COMMD10: variants seen among roughly 807,000 people sequenced by gnomAD.
COMMD10 encodes the protein COMM domain containing 10.
Under a neutral mutation model 28.9 loss-of-function variants are expected in COMMD10, and 33 were observed. The ratio of observed to expected loss-of-function variants is 1.14; its 90% CI spans 0.87 to 1.53. The LOEUF is 1.53. COMMD10 is among the 40% of genes most tolerant of loss of function. COMMD10 has a pLI of 0.00. For synonymous variants in COMMD10, 110 were observed against 81.7 expected, an observed-to-expected ratio of 1.35 and a Z score of -1.87; for missense variants, 310 against 233.4, an observed-to-expected ratio of 1.33 and a Z score of -2.14.
At chr5:116,276,924 T>G (rs1006121640) in intron 5 of COMMD10, among the ~76,000 whole-genome samples, 1 of 151,774 alleles carries the variant, frequency 6.6e-6, no homozygotes, top group Non-Finnish European at 1.5e-5. Flanking sequence ...GGTATCTTTT[T>G]GGGATGATGA....
chr5:116,183,018 G>A (rs1262629673), intron 5 of COMMD10, among the ~76,000 whole-genome samples: 4 of 152,080 alleles, frequency 2.6e-5, no homozygotes, highest in African/African-American at 9.7e-5. Context: ...TAAGTTTCCT[G>A]AGGCCTCTCC....
chr5:116,246,650 A>G (rs1222830253), intron 5 of COMMD10, among the ~76,000 whole-genome samples: 2 of 152,154 alleles, frequency 1.3e-5, no homozygotes, highest in Non-Finnish European at 2.9e-5. Context: ...CACATAGCCT[A>G]ATGGAACAGA....
rs1197787790 is a variant in COMMD10 at position 116,094,816 on chromosome 5, TAC to T, written c.399+2121_399+2122del. Reference sequence around the variant, plus strand: ...ATGAATAAAGGGAATTTGGTATAATTACACACTGGAATAATATTCAACCATAA... The same window carrying T: ...ATGAATAAAGGGAATTTGGTATAATTACACTGGAATAATATTCAACCATAA... On this transcript the variant is annotated intron_variant, in intron 4 of 6. Transcript: ENST00000274458. Among the ~76,000 whole-genome samples, 3 of 152,216 alleles carry T rather than the reference TAC, an allele frequency of 2.0e-5. No homozygotes were observed. In the East Asian group the frequency reaches 5.8e-4, roughly 29 times the overall value.
intron 5 of COMMD10, among the ~76,000 whole-genome samples, chr5:116,221,094 T>C (rs1162033965): frequency 1.3e-5 from 2 of 151,952 alleles, no homozygotes; most frequent in Non-Finnish European, 2.9e-5. Flanking sequence ...TTTTTTTTTT[T>C]TTTTAACTGT....
chr5:116,125,419 G>A (rs192175417), intron 4 of COMMD10, among the ~76,000 whole-genome samples: 6 of 152,120 alleles, frequency 3.9e-5, no homozygotes, highest in Non-Finnish European at 7.4e-5. Flanking sequence ...TGAGAGATGC[G>A]CTGTTAGTCT....
At chr5:116,171,548 A>G (rs980816669) in intron 5 of COMMD10, among the ~76,000 whole-genome samples, 1 of 152,264 alleles carries the variant, frequency 6.6e-6, no homozygotes, top group South Asian at 2.1e-4. Flanking sequence ...TTGCAGCACA[A>G]TTTACAATAG....
chr5:116,104,750 G>C (rs1436007048), intron 4 of COMMD10, among the ~76,000 whole-genome samples: 1 of 151,904 alleles, frequency 6.6e-6, no homozygotes, highest in Non-Finnish European at 1.5e-5. Flanking sequence ...CTCCCTAGTA[G>C]CTGGGACTAC....
At chr5:116,240,934 C>T (rs1003550103) in intron 5 of COMMD10, among the ~76,000 whole-genome samples, 6 of 152,050 alleles carry the variant, frequency 3.9e-5, no homozygotes, top group African/African-American at 1.4e-4. Context: ...GATTAATTTT[C>T]CTCTATGTCT....
chr5:116,279,062 A>C (rs968011705), intron 5 of COMMD10, among the ~76,000 whole-genome samples: 1 of 151,808 alleles, frequency 6.6e-6, no homozygotes. Context: ...TCACTGGTGT[A>C]TGCATGTATG....
chr5:116,255,204 G>A (rs1750247301), intron 5 of COMMD10, among the ~76,000 whole-genome samples: 2 of 151,682 alleles, frequency 1.3e-5, no homozygotes, highest in African/African-American at 2.4e-5. Flanking sequence ...CTGCCCGTGA[G>A]ATGGGTTTCC....
intron 5 of COMMD10, among the ~76,000 whole-genome samples, chr5:116,222,493 G>A (rs1749286597): frequency 6.6e-6 from 1 of 152,110 alleles, no homozygotes; most frequent in African/African-American, 2.4e-5. Flanking sequence ...GTGGGAATAT[G>A]ATTTTAGAAG....
chr5:116,221,131 A>G (rs1749242623), intron 5 of COMMD10, among the ~76,000 whole-genome samples: 1 of 146,806 alleles, frequency 6.8e-6, no homozygotes. Flanking sequence ...CACCTTTGAG[A>G]TACACTTTCA....
At chr5:116,148,880 T>C (rs112450834) in intron 5 of COMMD10, among the ~76,000 whole-genome samples, 1,900 of 152,038 alleles carry the variant, frequency 0.012, 36 homozygotes, top group African/African-American at 0.044. Flanking sequence ...TTTTAAGTTT[T>C]AGGGTACATG....
intron 4 of COMMD10, among the ~76,000 whole-genome samples, chr5:116,118,321 G>A (rs1458849563): frequency 2.0e-5 from 3 of 152,010 alleles, no homozygotes; most frequent in Non-Finnish European, 4.4e-5. Flanking sequence ...TCTACCACCA[G>A]AATATAAGCT....
chr5:116,284,062 T>C (rs933824942), intron 5 of COMMD10, among the ~76,000 whole-genome samples: 2 of 151,784 alleles, frequency 1.3e-5, no homozygotes, highest in African/African-American at 4.9e-5. Context: ...CAGGAGTTAG[T>C]TCGAGGCTGC....
intron 4 of COMMD10, among the ~76,000 whole-genome samples, chr5:116,113,113 TG>T (rs1356908400): frequency 6.6e-6 from 1 of 152,200 alleles, no homozygotes; most frequent in African/African-American, 2.4e-5. Flanking sequence ...GGCTGACAGT[TG>T]TTTTCTTTCA....
intron 4 of COMMD10, among the ~76,000 whole-genome samples, chr5:116,133,110 A>C (rs1340256672): frequency 6.6e-6 from 1 of 152,144 alleles, no homozygotes; most frequent in African/African-American, 2.4e-5. Flanking sequence ...TGCCATTCTT[A>C]CCCAGTATTG....
At chr5:116,257,228 G>A (rs1370920262) in intron 5 of COMMD10, among the ~76,000 whole-genome samples, 1 of 151,614 alleles carries the variant, frequency 6.6e-6, no homozygotes, top group Non-Finnish European at 1.5e-5. Flanking sequence ...TCTACTTGTA[G>A]TGTCATGTCA....
chr5:116,292,365 T>A, intron 6 of COMMD10, 86 bp from the exon 7 acceptor site: 1 of 794,562 alleles, frequency 1.3e-6, no homozygotes, highest in Non-Finnish European at 1.9e-6. Context: ...ATTTTTTCCT[T>A]TCTATTTGCA....
Sources: gnomAD v4.1 joint callset for allele counts (sites outside exome capture counted in the v4.1 genomes callset) on GRCh38, gnomAD v4.1.1 for gene constraint, MANE v1.5 for transcripts, NCBI Gene and HGNC (gene_info 2026-07-23, HGNC 2026-07-21) for gene names.